Variants in SCIMP observed in about 807,000 individuals in gnomAD.
SCIMP encodes the protein SLP adapter and CSK-interacting membrane protein.
A neutral mutation model predicts 22.0 loss-of-function variants in SCIMP; 18 were observed. The ratio of observed to expected loss-of-function variants is 0.82; its 90% CI spans 0.56 to 1.21. The LOEUF is 1.21. Among genes scored for constraint, SCIMP ranks in the 50% most tolerant of loss-of-function variants. SCIMP has a pLI of 0.00. For missense variants in SCIMP, 155 were observed against 171.2 expected (o/e 0.91, Z 0.53); for synonymous variants, 53 against 62.2 (o/e 0.85, Z 0.70).
intron 3 of SCIMP, among the ~76,000 whole-genome samples, chr17:5,219,998 T>C (rs902573097): frequency 2.0e-5 from 3 of 152,174 alleles, no homozygotes; most frequent in Non-Finnish European, 4.4e-5. Context: ...ATTTGCTGAT[T>C]TTAATCTGTA....
chr17:5,224,320 G>A (rs2074631268), intron 1 of SCIMP, among the ~76,000 whole-genome samples: 1 of 151,870 alleles, frequency 6.6e-6, no homozygotes, highest in Admixed American at 6.6e-5. Flanking sequence ...TATTTTTTTA[G>A]TAGAGACGGG....
rs563019820 is a variant in SCIMP, at chr17:5,210,625, C to T, written c.*176G>A. On this transcript the variant is annotated 3_prime_UTR_variant, in exon 5 of 5. Transcript: ENST00000574081. ...TGTGTCTCCTCTGGCTGCAGTCATC[C>T]GATCGCAGGGGTGTCTTCATCTAAG... The T allele has an allele frequency of 1.6e-5, 12 of 755,928 alleles. No individual in the cohort carries two copies. Among genetic ancestry groups the T allele is most frequent in the East Asian group, 8.9e-5 (3 of 33,606 alleles). The allele number at this position is 755,928 out of a possible 1,614,324, so 46.8% of individuals were successfully genotyped here.
At chr17:5,215,199 C>A in intron 3 of SCIMP, 1 of 521,300 alleles carries the variant, frequency 1.9e-6, no homozygotes, top group Non-Finnish European at 3.4e-6. Flanking sequence ...TTCTGTAGCC[C>A]TGGAAATGGC....
chr17:5,221,300 C>G lies in SCIMP; in HGVS notation c.196G>C (p.Glu66Gln). 6.2e-7 allele frequency: 1 copy of G among 1,613,110 alleles called. No individual in the cohort carries two copies. The highest frequency in any genetic ancestry group is 8.5e-7 in the Non-Finnish European group (1 of 1,179,098). The change falls in exon 3 of 5, where the codon GAA (glutamate) becomes CAA (glutamine). Residue 66 changes from glutamate to glutamine, a missense_variant. Transcript: ENST00000574081. Reference sequence around the variant, plus strand: ...CCCCCTACTTACTCATACATCTTTTCTTCATCTACTTGCTTGTGTTTCAGG... The same window carrying G: ...CCCCCTACTTACTCATACATCTTTTGTTCATCTACTTGCTTGTGTTTCAGG... ...KPLKHKQVDE[E>Q]KMYENVLNES... is the part of the protein sequence containing the mutation.
At chr17:5,230,254 C>G (rs2074683966) in intron 1 of SCIMP, among the ~76,000 whole-genome samples, 1 of 152,176 alleles carries the variant, frequency 6.6e-6, no homozygotes, top group African/African-American at 2.4e-5. Context: ...TGCAGAAGAT[C>G]ACCAAGCATG....
intron 3 of SCIMP, among the ~76,000 whole-genome samples, chr17:5,217,404 G>C (rs58173995): frequency 0.1 from 15,410 of 151,586 alleles, 1,731 homozygotes; most frequent in South Asian, 0.48. Flanking sequence ...GTGTGTGTGT[G>C]TGTGTGTTTG....
Position 5,221,298 on chromosome 17 carries a change from T to C in SCIMP, c.198A>G (p.Glu66=). The change falls in exon 3 of 5, where the codon GAA becomes GAG. Residue 66 remains glutamate (E), a synonymous_variant. Coordinates refer to ENST00000574081, the MANE Select transcript of SCIMP (RefSeq NM_207103.3). The part of the protein sequence containing the change: ...KPLKHKQVDE[E]KMYENVLNES... The stretch of plus-strand genomic sequence containing the variant: ...TCCCCCCTACTTACTCATACATCTT[T>C]TCTTCATCTACTTGCTTGTGTTTCA... The C allele has an allele frequency of 6.2e-7, 1 of 1,613,018 alleles. No individual in the cohort carries two copies. Among genetic ancestry groups the C allele is most frequent in the East Asian group, 2.2e-5 (1 of 44,878 alleles).
chr17:5,220,447 A>G (rs1271046765), intron 3 of SCIMP, among the ~76,000 whole-genome samples: 2 of 151,314 alleles, frequency 1.3e-5, no homozygotes, highest in Non-Finnish European at 3.0e-5. Context: ...AAAAAAAAAA[A>G]AAAAAAAGAG....
chr17:5,234,475 C>T (rs112425043), intron 1 of SCIMP: 6 of 536,052 alleles, frequency 1.1e-5, no homozygotes, highest in East Asian at 9.5e-5. Context: ...ACTTCTTCAT[C>T]GCCCCTGACA....
At chr17:5,234,641 G>T in intron 1 of SCIMP, 94 bp downstream of exon 1, 2 of 1,340,236 alleles carry the variant, frequency 1.5e-6, no homozygotes, top group Non-Finnish European at 2.1e-6. Flanking sequence ...AGTGCTGATC[G>T]GTGGCTCCCA....
Position 5,210,701 on chromosome 17 carries a change from T to G in SCIMP, c.*100A>C. 1 of 1,472,042 alleles carries G rather than the reference T, an allele frequency of 6.8e-7. No homozygotes were observed. Among genetic ancestry groups the G allele is most frequent in the Admixed American group, 2.3e-5 (1 of 42,876 alleles). 91.2% of individuals were successfully genotyped at this position (1,472,042 alleles called of 1,614,324 possible). ...AGCTTCATAAAATCACCACTGGCTT[T>G]CAGGGCCCAGAGACCTACTGAAGTT... On this transcript the variant is annotated 3_prime_UTR_variant, in exon 5 of 5. Coordinates refer to ENST00000574081, the MANE Select transcript of SCIMP (RefSeq NM_207103.3).
chr17:5,212,255 C>T (rs1006346651), intron 4 of SCIMP, among the ~76,000 whole-genome samples: 17 of 152,184 alleles, frequency 1.1e-4, no homozygotes, highest in Non-Finnish European at 2.4e-4. Context: ...TTCATGTTCA[C>T]GTTCCAGCAG....
At chr17:5,211,900 T>C (rs571578574) in intron 4 of SCIMP, among the ~76,000 whole-genome samples, 79 of 152,030 alleles carry the variant, frequency 5.2e-4, no homozygotes, top group African/African-American at 1.8e-3. Context: ...ATACAAAAAT[T>C]AGCTGGGCGT....
intron 1 of SCIMP, among the ~76,000 whole-genome samples, chr17:5,226,613 CT>C (rs2144337233): frequency 1.3e-5 from 2 of 150,512 alleles, no homozygotes; most frequent in South Asian, 4.2e-4. Flanking sequence ...TCAAGCGATT[CT>C]TCTGCCTCAG....
intron 4 of SCIMP, among the ~76,000 whole-genome samples, chr17:5,211,259 C>T (rs1270632825): frequency 6.6e-6 from 1 of 152,202 alleles, no homozygotes. Flanking sequence ...CAGAAGCTCA[C>T]ACCTGTAGTC....
In SCIMP at chr17:5,209,991, C is replaced by G. The variant is rs1191681554; in HGVS notation, c.*810G>C. 2 of 152,132 alleles carry G rather than the reference C, an allele frequency of 1.3e-5. No individual in the cohort carries two copies. The highest frequency in any genetic ancestry group is 2.9e-5 in the Non-Finnish European group (2 of 68,044). 9.4% of individuals were successfully genotyped at this position (152,132 alleles called of 1,614,324 possible). On this transcript the variant is annotated 3_prime_UTR_variant, in exon 5 of 5. Coordinates refer to ENST00000574081, the MANE Select transcript of SCIMP (RefSeq NM_207103.3). ...TTACATGCCCCTTTTCTTTCCTGTT[C>G]CCCATGATTTGTCCTGGGGGAAATG... is the stretch of plus-strand genomic sequence containing the variant.
At chr17:5,229,948 T>TCTCTCCTCTCCTTTTTCTC (rs2074681631) in intron 1 of SCIMP, among the ~76,000 whole-genome samples, 1 of 151,324 alleles carries the variant, frequency 6.6e-6, no homozygotes, top group Admixed American at 6.6e-5. Flanking sequence ...TCTCCTTTCT[T>TCTCTCCTCTCCTTTTTCTC]CTCTCCTCTC....
chr17:5,226,021 T>C (rs2074645823), intron 1 of SCIMP, among the ~76,000 whole-genome samples: 1 of 152,084 alleles, frequency 6.6e-6, no homozygotes, highest in African/African-American at 2.4e-5. Context: ...CAGAAGCCCT[T>C]TTCTGTGTTG....
rs1366567434 is a variant in SCIMP, at chr17:5,214,993, A to G, written c.215T>C (p.Val72Ala). Residue 72 changes from valine to alanine, a missense_variant, in exon 4 of 5, where the codon GTT becomes GCT. By Grantham distance (64) the Val-to-Ala change is moderately conservative (BLOSUM62 0). Transcript: ENST00000574081. ...QVDEEKMYEN[V>A]LNESPVQLPP... ...TAATTGAACTGGCGACTCATTAAGA[A>G]CATTCCTAGAGAGAGAGAAAGAGAG... is the stretch of plus-strand genomic sequence containing the variant. 3 of 1,606,820 alleles carry G rather than the reference A, an allele frequency of 1.9e-6. No homozygotes were observed. The highest frequency in any genetic ancestry group is 1.3e-5 in the African/African-American group (1 of 74,886).
Sources: allele counts gnomAD v4.1 joint callset (sites outside exome capture counted in the v4.1 genomes callset), GRCh38; gene constraint gnomAD v4.1.1; transcripts MANE v1.5; gene names NCBI Gene and HGNC (gene_info 2026-07-23, HGNC 2026-07-21).